Variants in TSC1 observed in about 807,000 individuals in gnomAD.
TSC1 encodes hamartin.
Under a neutral mutation model 124.3 loss-of-function variants are expected in TSC1, and 20 were observed. The ratio of observed to expected loss-of-function variants is 0.16; its 90% CI spans 0.11 to 0.23. The LOEUF is 0.23. TSC1 is among the 10% of genes least tolerant of loss of function. TSC1 has a pLI of 1.00. For missense variants in TSC1, 1,124 were observed against 1,448.5 expected (o/e 0.78, Z 3.64); for synonymous variants, 493 against 539.1 (o/e 0.91, Z 1.19).
At chr9:132,913,984 C>T (rs183107485) in intron 8 of TSC1, among the ~76,000 whole-genome samples, 2 of 146,476 alleles carry the variant, frequency 1.4e-5, no homozygotes, top group African/African-American at 5.0e-5. Context: ...CTGCAACCTC[C>T]ACCTTCTGGA....
chr9:132,911,751 A>G (rs1845980818), intron 9 of TSC1, among the ~76,000 whole-genome samples, 183 bp from the exon 10 acceptor site: 1 of 152,034 alleles, frequency 6.6e-6, no homozygotes, highest in Admixed American at 6.6e-5. Flanking sequence ...GTAACACTTC[A>G]GAGTTTCTCT....
intron 2 of TSC1, among the ~76,000 whole-genome samples, chr9:132,934,739 C>T (rs1420049723): frequency 6.6e-6 from 1 of 152,226 alleles, no homozygotes; most frequent in Non-Finnish European, 1.5e-5. Context: ...ACCAGCTATG[C>T]ATCTTTAGGA....
intron 3 of TSC1, 150 bp downstream of exon 3, chr9:132,928,615 TGA>T: frequency 1.1e-6 from 1 of 917,448 alleles, no homozygotes; most frequent in South Asian, 1.6e-5. Flanking sequence ...TTTCCATAAT[TGA>T]AAGTTTAAAA....
chr9:132,904,624 TGGAC>T (rs1845561924), intron 15 of TSC1, among the ~76,000 whole-genome samples, 170 bp from the exon 16 acceptor site: 2 of 108,372 alleles, frequency 1.8e-5, no homozygotes, highest in African/African-American at 7.8e-5. Context: ...AAGCCTACAC[TGGAC>T]ACAATGGGAG....
chr9:132,923,256 T>TAC lies in TSC1; in HGVS notation c.508+90_508+91dup. On this transcript the variant is annotated intron_variant, in intron 6 of 22. Coordinates refer to ENST00000298552, the MANE Select transcript of TSC1 (RefSeq NM_000368.5). This position sits in a 1 kb window ranked among gnomAD's most constrained non-coding sequence, Gnocchi z 4.2. ...ACCACTCATTTCAGCTATAAAAGTC[T>TAC]ACATGTCCATTCCTTACAGCATATG... is the stretch of plus-strand genomic sequence containing the variant. 1.3e-6 allele frequency: 2 copies of TAC among 1,534,158 alleles called. No individual in the cohort carries two copies. Among genetic ancestry groups the TAC allele is most frequent in the African/African-American group, 1.4e-5 (1 of 73,116 alleles).
rs5901000 is a variant in TSC1 at position 132,897,613 on chromosome 9, GAAAA to G, written c.2626-7_2626-4del. 2.6e-4 allele frequency: 347 copies of G among 1,356,086 alleles called. No homozygotes were observed. The highest frequency in any genetic ancestry group is 6.3e-4 in the Middle Eastern group (3 of 4,772). 84.0% of individuals were successfully genotyped at this position (1,356,086 alleles called of 1,614,324 possible). On this transcript the variant is annotated splice_region_variant and splice_polypyrimidine_tract_variant and intron_variant, in intron 20 of 22. Coordinates refer to ENST00000298552, the MANE Select transcript of TSC1 (RefSeq NM_000368.5). Reference sequence around the variant, plus strand: ...GCGGCTTTCATCATTTCTACTTCCTGAAAAAAAAAAAAAAAAAAGACTGGAATTA... The same window carrying G: ...GCGGCTTTCATCATTTCTACTTCCTGAAAAAAAAAAAAAAGACTGGAATTA...
rs1370511547 is a variant in TSC1 at position 132,923,284 on chromosome 9, C to A, written c.508+64G>T. 3 of 1,597,182 alleles carry A rather than the reference C, an allele frequency of 1.9e-6. No individual in the cohort carries two copies. In the African/African-American group the frequency reaches 4.0e-5, roughly 21 times the overall value. On this transcript the variant is annotated intron_variant, in intron 6 of 22. Transcript: ENST00000298552. The surrounding 1 kb of genome is among the most constrained non-coding windows in gnomAD (Gnocchi z 4.2). The stretch of plus-strand genomic sequence containing the variant: ...ATGTCCATTCCTTACAGCATATGAG[C>A]AATTAATCAATAATGAAAGCATTCA...
chr9:132,907,445 T>C, intron 12 of TSC1, 75 bp from the exon 13 acceptor site: 6 of 1,225,676 alleles, frequency 4.9e-6, no homozygotes, highest in Non-Finnish European at 7.2e-6. Context: ...GTAAAGTAGT[T>C]TAAAGGTCAG....
intron 1 of TSC1, among the ~76,000 whole-genome samples, 188 bp downstream of exon 1, chr9:132,944,355 G>A (rs889547138): frequency 3.3e-5 from 5 of 152,140 alleles, no homozygotes; most frequent in African/African-American, 1.2e-4. Context: ...AGTCCCGGCC[G>A]GGCCAGCCGG....
intron 9 of TSC1, 139 bp downstream of exon 9, chr9:132,912,143 C>A: frequency 1.0e-6 from 1 of 954,078 alleles, no homozygotes; most frequent in Admixed American, 2.3e-5. Flanking sequence ...AATGGAGGGA[C>A]ATGCAAATTT....
intron 2 of TSC1, among the ~76,000 whole-genome samples, chr9:132,930,587 C>CA (rs58163733): frequency 0.39 from 17,537 of 45,270 alleles, 3,860 homozygotes; most frequent in South Asian, 0.52. Flanking sequence ...GACTCTGCCT[C>CA]AAAAAAAAAA....
Position 132,932,913 on chromosome 9 carries a change from T to C in TSC1, c.-81+2120A>G, listed in dbSNP as rs996826830. The stretch of plus-strand genomic sequence containing the variant: ...GATACTTTGTAATTCATGAGAAACC[T>C]TGAACTAAGTTTAAACTATACAACT... On this transcript the variant is annotated intron_variant, in intron 2 of 22. Coordinates refer to ENST00000298552, the MANE Select transcript of TSC1 (RefSeq NM_000368.5). Among the ~76,000 whole-genome samples, 14 of 152,318 alleles carry C rather than the reference T, an allele frequency of 9.2e-5. 1 individual carries two copies. Among genetic ancestry groups the C allele is most frequent in the Admixed American group, 7.2e-4 (11 of 15,290 alleles).
intron 8 of TSC1, among the ~76,000 whole-genome samples, chr9:132,920,644 T>C (rs1472458728): frequency 6.6e-6 from 1 of 151,972 alleles, no homozygotes; most frequent in African/African-American, 2.4e-5. Flanking sequence ...CAGCAGGAGA[T>C]CCCTAAGTGT....
Position 132,905,638 on chromosome 9 carries a change from T to A in TSC1, c.1940A>T (p.Glu647Val). 6.2e-7 allele frequency: 1 copy of A among 1,614,186 alleles called. No homozygotes were observed. Among genetic ancestry groups the A allele is most frequent in the Non-Finnish European group, 8.5e-7 (1 of 1,180,040 alleles). Residue 647 changes from glutamate to valine, a missense_variant, in exon 15 of 23, where the codon GAA becomes GTA. By Grantham distance (121) the Glu-to-Val change is moderately radical. Coordinates refer to ENST00000298552, the MANE Select transcript of TSC1 (RefSeq NM_000368.5). ...EDGVPSTSPMEVLDRLIQQGA... is the reference protein window; with the variant it reads ...EDGVPSTSPMVVLDRLIQQGA... ...CTGCTGTATCAGTCTGTCCAGCACTTCCATTGGGGAGGTAGAGGGCACACC... is the reference window on the plus strand; with the variant it reads ...CTGCTGTATCAGTCTGTCCAGCACTACCATTGGGGAGGTAGAGGGCACACC...
chr9:132,940,058 G>A (rs995085220), intron 1 of TSC1, among the ~76,000 whole-genome samples: 1 of 152,010 alleles, frequency 6.6e-6, no homozygotes, highest in African/African-American at 2.4e-5. Context: ...ATAAACCTTG[G>A]GGAAAAGGCC....
At chr9:132,907,457 C>T (rs965420089) in intron 12 of TSC1, 87 bp from the exon 13 acceptor site, 10 of 1,037,706 alleles carry the variant, frequency 9.6e-6, no homozygotes, top group South Asian at 5.1e-5. Context: ...AAAGGTCAGC[C>T]GAGTGCAGTG....
chr9:132,920,802 A>G lies in TSC1; in HGVS notation c.737+561T>C, dbSNP rs537615817. Among the ~76,000 whole-genome samples the G allele has an allele frequency of 1.2e-3, 176 of 152,132 alleles. 1 individual carries two copies. The highest frequency in any genetic ancestry group is 4.1e-3 in the African/African-American group (170 of 41,546). On this transcript the variant is annotated intron_variant, in intron 8 of 22. Transcript: ENST00000298552. ...TAAATTTCCTTTATCTCCCTCGCTC[A>G]GTCTTACCCTCAGTTCCACTCTCCA...
Position 132,894,546 on chromosome 9 carries a change from T to C in TSC1, c.*1689A>G, listed in dbSNP as rs1053472431. On this transcript the variant is annotated 3_prime_UTR_variant, in exon 23 of 23. Coordinates refer to ENST00000298552, the MANE Select transcript of TSC1 (RefSeq NM_000368.5). ...TGCCAGCCTGTGCTAGGCTGAGTAGTTGGGACCACGCCCTGCCACAGGCTG... is the reference window on the plus strand; with the variant it reads ...TGCCAGCCTGTGCTAGGCTGAGTAGCTGGGACCACGCCCTGCCACAGGCTG... The C allele has an allele frequency of 3.9e-5, 9 of 228,668 alleles. No homozygotes were observed. Among genetic ancestry groups the C allele is most frequent in the Admixed American group, 1.1e-4 (2 of 17,602 alleles). 14.2% of individuals were successfully genotyped at this position (228,668 alleles called of 1,614,324 possible).
rs1403606183 is a variant in TSC1, at chr9:132,892,400, G to A, written c.*3835C>T. 2.6e-5 allele frequency: 6 copies of A among 233,188 alleles called. No homozygotes were observed. Among genetic ancestry groups the A allele is most frequent in the South Asian group, 1.8e-4 (1 of 5,532 alleles). The allele number at this position is 233,188 out of a possible 1,614,324, so 14.4% of individuals were successfully genotyped here. On this transcript the variant is annotated 3_prime_UTR_variant, in exon 23 of 23. Coordinates refer to ENST00000298552, the MANE Select transcript of TSC1 (RefSeq NM_000368.5). Reference sequence around the variant, plus strand: ...GATACATTTTTCCAATACTTGTTGCGGGTCGGTTTTAAAGCATGTACCCTG... The same window carrying A: ...GATACATTTTTCCAATACTTGTTGCAGGTCGGTTTTAAAGCATGTACCCTG...
Sources: gnomAD v4.1 joint callset for allele counts (sites outside exome capture counted in the v4.1 genomes callset) on GRCh38, gnomAD v4.1.1 for gene constraint, Gnocchi (gnomAD v3.1) non-coding constraint, MANE v1.5 for transcripts, NCBI Gene and HGNC (gene_info 2026-07-23, HGNC 2026-07-21) for gene names.